Variants in ACSM2A observed in about 807,000 individuals in gnomAD.
ACSM2A encodes the protein acyl-CoA synthetase medium chain family member 2A.
ACSM2A carries 72 observed loss-of-function variants against 76.6 expected under a neutral mutation model. The observed-to-expected ratio is 0.94, with a 90% CI of 0.78 to 1.14. The LOEUF (loss-of-function observed/expected upper bound fraction) is 1.14. ACSM2A is among the 50% of genes most tolerant of loss of function. The pLI is 0.00. For synonymous variants in ACSM2A, 249 were observed against 255.9 expected (o/e 0.97, Z 0.26); for missense variants, 684 against 708.5 (o/e 0.97, Z 0.39).
In ACSM2A at chr16:20,480,907, C is replaced by T. The variant is rs543127018; in HGVS notation, c.1495C>T (p.Pro499Ser). The change falls in exon 12 of 14, where the codon CCC becomes TCC. Residue 499 changes from proline (P) to serine (S), a missense_variant. Pro to Ser is a moderately conservative substitution (Grantham distance 74, BLOSUM62 -1). This residue lies in a region of ACSM2A where 159 missense variants were observed against 132.5 expected (regional missense o/e 1.20). Transcript: ENST00000573854. ...VETAVISSPD[P>S]VRGEVVKAFV... is the part of the protein sequence containing the mutation. ...GACGGCTGTGATCAGCAGCCCAGAC[C>T]CCGTCCGAGGAGAGGTGATGGGGAA... The T allele has an allele frequency of 3.7e-6, 6 of 1,613,734 alleles. No homozygotes were observed. Among genetic ancestry groups the T allele is most frequent in the African/African-American group, 2.7e-5 (2 of 74,860 alleles).
chr16:20,464,529 G>A (rs552452732), intron 2 of ACSM2A, among the ~76,000 whole-genome samples: 2 of 152,286 alleles, frequency 1.3e-5, no homozygotes, highest in South Asian at 2.1e-4. Context: ...AAGACAGAGA[G>A]TGAGAAGGTG....
chr16:20,472,971 T>G (rs1490618137), intron 6 of ACSM2A, among the ~76,000 whole-genome samples: 1 of 152,204 alleles, frequency 6.6e-6, no homozygotes, highest in African/African-American at 2.4e-5. Context: ...TAGAACTTGA[T>G]GGTACAGCCA....
rs1325954826 is a variant in ACSM2A, at chr16:20,486,940, A to G, written c.*262A>G. 8 of 336,058 alleles carry G rather than the reference A, an allele frequency of 2.4e-5. No homozygotes were observed. Among genetic ancestry groups the G allele is most frequent in the African/African-American group, 2.1e-5 (1 of 47,046 alleles). The allele number at this position is 336,058 out of a possible 1,614,324, so 20.8% of individuals were successfully genotyped here. A position where few individuals can be genotyped will look rare whatever the true frequency, so the allele number is the denominator to read the frequency against. On this transcript the variant is annotated 3_prime_UTR_variant, in exon 14 of 14. Transcript: ENST00000573854. ...CAGGGAAATATTAAAACTGCAAGGG[A>G]AAGCAATTGAAAAAGAAATAAAGTA...
chr16:20,467,967 A>G (rs2013115332), intron 3 of ACSM2A, among the ~76,000 whole-genome samples: 1 of 151,962 alleles, frequency 6.6e-6, no homozygotes, highest in Non-Finnish European at 1.5e-5. Context: ...AACCCACCTC[A>G]TATTCTGGGG....
At chr16:20,467,509 C>T (rs2013080224) in intron 3 of ACSM2A, among the ~76,000 whole-genome samples, 1 of 152,054 alleles carries the variant, frequency 6.6e-6, no homozygotes, top group South Asian at 2.1e-4. Context: ...GTGATGGCTT[C>T]AGTTTCGTTG....
chr16:20,460,076 C>G, intron 1 of ACSM2A, 31 bp from the exon 2 acceptor site: 1 of 1,578,024 alleles, frequency 6.3e-7, no homozygotes, highest in African/African-American at 1.4e-5. Context: ...GTTAAAGAAG[C>G]TCTCACCTGT....
rs2012972275 is a variant in ACSM2A at position 20,465,994 on chromosome 16, A to G, written c.388+267A>G. 2.6e-5 allele frequency among the ~76,000 whole-genome samples: 4 copies of G among 152,200 alleles called. No homozygotes were observed. In the South Asian group the frequency reaches 8.3e-4, roughly 32 times the overall value. ...AAAGCTCTTAAACTATTAATTGCAC[A>G]TGTAAGTATTTAATCAGAATTATGA... On this transcript the variant is annotated intron_variant, in intron 3 of 13. Coordinates refer to ENST00000573854, the MANE Select transcript of ACSM2A (RefSeq NM_001308172.2).
intron 2 of ACSM2A, among the ~76,000 whole-genome samples, chr16:20,462,928 T>C (rs1323457789): frequency 6.6e-6 from 1 of 151,858 alleles, no homozygotes; most frequent in Non-Finnish European, 1.5e-5. Context: ...CCCAAATATC[T>C]ATCAACAAAT....
At chr16:20,464,214 C>T (rs1596649428) in intron 2 of ACSM2A, among the ~76,000 whole-genome samples, 1 of 152,148 alleles carries the variant, frequency 6.6e-6, no homozygotes, top group African/African-American at 2.4e-5. Context: ...TCTTCTAAGC[C>T]CTCCAAACTC....
chr16:20,487,600 A>G lies in ACSM2A; in HGVS notation c.*922A>G, dbSNP rs1245954622. The stretch of plus-strand genomic sequence containing the variant: ...GTAAGCACTGCCAAAGTTATCAGCT[A>G]CCCATATCTCATGTTTTTGATGTTA... On this transcript the variant is annotated 3_prime_UTR_variant, in exon 14 of 14. Coordinates refer to ENST00000573854, the MANE Select transcript of ACSM2A (RefSeq NM_001308172.2). 2 of 152,202 alleles carry G rather than the reference A, an allele frequency of 1.3e-5. No homozygotes were observed. The highest frequency in any genetic ancestry group is 4.8e-5 in the African/African-American group (2 of 41,454). The allele number at this position is 152,202 out of a possible 1,614,324, so 9.4% of individuals were successfully genotyped here. A position where few individuals can be genotyped will look rare whatever the true frequency, so the allele number is the denominator to read the frequency against.
Position 20,475,434 on chromosome 16 carries a change from C to A in ACSM2A, c.967C>A (p.Leu323Ile), listed in dbSNP as rs1596667238. 10 of 1,613,776 alleles carry A rather than the reference C, an allele frequency of 6.2e-6. No homozygotes were observed. Among genetic ancestry groups the A allele is most frequent in the Non-Finnish European group, 8.5e-6 (10 of 1,179,732 alleles). ...IVYRMLLQQD[L>I]SSYKFPHLQN... ...TTACCGGATGTTGCTACAGCAGGATCTTTCCAGGTGATGGGGCTTTGAGGA... is the reference window on the plus strand; with the variant it reads ...TTACCGGATGTTGCTACAGCAGGATATTTCCAGGTGATGGGGCTTTGAGGA... The change falls in exon 7 of 14, where the codon CTT becomes ATT. Residue 323 changes from leucine (L) to isoleucine (I), a missense_variant. Leu to Ile is a conservative substitution (Grantham distance 5, BLOSUM62 2). Around this residue, in one of 3 missense-constraint regions of ACSM2A, gnomAD observed 519 missense variants for 549.5 expected, o/e 0.94. Transcript: ENST00000573854.
At chr16:20,481,349 A>G (rs977378343) in intron 12 of ACSM2A, 1 of 193,754 alleles carries the variant, frequency 5.2e-6, no homozygotes, top group Admixed American at 5.3e-5. Flanking sequence ...AAGGATAAAT[A>G]ATATGTGGTA....
intron 5 of ACSM2A, 44 bp from the exon 6 acceptor site, chr16:20,471,492 C>T (rs201975163): frequency 6.1e-5 from 96 of 1,579,998 alleles, no homozygotes; most frequent in Non-Finnish European, 8.1e-5. Context: ...GCATCCTAAG[C>T]ATGCACCCAC....
At chr16:20,457,652 C>G (rs551985912) in intron 1 of ACSM2A, among the ~76,000 whole-genome samples, 1 of 152,088 alleles carries the variant, frequency 6.6e-6, no homozygotes, top group South Asian at 2.1e-4. Context: ...AATCAGCATA[C>G]CATGGATATA....
At chr16:20,474,439 T>C (rs1490582708) in intron 6 of ACSM2A, among the ~76,000 whole-genome samples, 3 of 152,132 alleles carry the variant, frequency 2.0e-5, no homozygotes, top group African/African-American at 7.2e-5. Flanking sequence ...CCGACCCTCC[T>C]TGGGACTCTG....
chr16:20,456,897 T>G (rs2012196340), intron 1 of ACSM2A, among the ~76,000 whole-genome samples: 1 of 139,578 alleles, frequency 7.2e-6, no homozygotes, highest in Non-Finnish European at 1.5e-5. Context: ...TGGTAGACCA[T>G]TAGGAAGATT....
In ACSM2A at chr16:20,483,076, G is replaced by A. The variant is rs774438217; in HGVS notation, c.1528G>A (p.Val510Ile). The change falls in exon 13 of 14, where the codon GTC (valine) becomes ATC (isoleucine). Residue 510 changes from valine to isoleucine, a missense_variant. Coordinates refer to ENST00000573854, the MANE Select transcript of ACSM2A (RefSeq NM_001308172.2). ...VRGEVVKAFV[V>I]LASQFLSHDP... Reference sequence around the variant, plus strand: ...TTTGCAGGTGGTGAAGGCATTTGTGGTCCTGGCCTCGCAGTTCCTGTCCCA... The same window carrying A: ...TTTGCAGGTGGTGAAGGCATTTGTGATCCTGGCCTCGCAGTTCCTGTCCCA... 5.6e-6 allele frequency: 9 copies of A among 1,613,730 alleles called. No individual in the cohort carries two copies. Among genetic ancestry groups the A allele is most frequent in the Admixed American group, 1.7e-5 (1 of 59,980 alleles).
rs1408568374 is a variant in ACSM2A, at chr16:20,487,259, G to C, written c.*581G>C. 6.6e-6 allele frequency: 1 copy of C among 152,206 alleles called. No homozygotes were observed. Among genetic ancestry groups the C allele is most frequent in the Non-Finnish European group, 1.5e-5 (1 of 68,104 alleles). The allele number at this position is 152,206 out of a possible 1,614,324, so 9.4% of individuals were successfully genotyped here. ...GAAGAAAAGAAGAGAAGGAAGTAAA[G>C]AGGAAAACTTATAAATATTCCCACA... On this transcript the variant is annotated 3_prime_UTR_variant, in exon 14 of 14. Transcript: ENST00000573854.
At chr16:20,453,832 G>A (rs2011938679) in intron 1 of ACSM2A, 1 of 130,134 alleles carries the variant, frequency 7.7e-6, no homozygotes, top group Non-Finnish European at 1.6e-5. Flanking sequence ...TTGAGATAAG[G>A]ACTGAAATAC....
Sources: allele counts gnomAD v4.1 joint callset (sites outside exome capture counted in the v4.1 genomes callset), GRCh38; gene constraint gnomAD v4.1.1; regional missense constraint gnomAD v4.1.1; transcripts MANE v1.5; gene names NCBI Gene and HGNC (gene_info 2026-07-23, HGNC 2026-07-21).